The following SPTB variants were observed in gnomAD, a reference collection of about 807,000 sequenced individuals.
SPTB encodes the protein spectrin beta, erythrocytic, also known as spectrin beta chain, erythrocytic.
SPTB carries 45 observed loss-of-function variants against 256.2 expected under a neutral mutation model. The observed-to-expected ratio is 0.18, with a 90% CI of 0.14 to 0.23. The LOEUF is 0.23. Ranked by LOEUF, SPTB falls within the 10% of genes least tolerant of loss-of-function variation. The probability of loss-of-function intolerance (pLI) is 1.00; values close to 1 mark genes in which losing one functional copy is unlikely to be tolerated. For synonymous variants in SPTB, 1,231 were observed against 1,243.1 expected, an observed-to-expected ratio of 0.99 and a Z score of 0.21; for missense variants, 2,715 against 3,040.4, an observed-to-expected ratio of 0.89 and a Z score of 2.52.
Position 64,786,451 on chromosome 14 carries a change from C to T in SPTB, c.3514G>A (p.Glu1172Lys). ...GCCTGCTTGGCATCTTTCTGGAACTCCTGGAAGCCAAGGCACTGAGCGAGG... is the reference window on the plus strand; with the variant it reads ...GCCTGCTTGGCATCTTTCTGGAACTTCTGGAAGCCAAGGCACTGAGCGAGG... The part of the protein sequence containing the change: ...HTLAQCLGFQ[E>K]FQKDAKQAEA... Residue 1172 changes from glutamate to lysine, a missense_variant, in exon 16 of 36, where the codon GAG becomes AAG. Transcript: ENST00000644917. The surrounding 1 kb of genome is among the most constrained non-coding windows in gnomAD (Gnocchi z 5.6). The T allele has an allele frequency of 6.2e-7, 1 of 1,614,154 alleles. No individual in the cohort carries two copies. Among genetic ancestry groups the T allele is most frequent in the Non-Finnish European group, 8.5e-7 (1 of 1,180,046 alleles).
chr14:64,769,856 G>T, intron 27 of SPTB, 128 bp from the exon 28 acceptor site: 1 of 1,311,612 alleles, frequency 7.6e-7, no homozygotes, highest in Non-Finnish European at 1.1e-6. Context: ...TCTCTCTCTG[G>T]CCAGCCAGGG....
chr14:64,758,031 T>G lies in SPTB; in HGVS notation c.6346-4238A>C, dbSNP rs1409100688. Among the ~76,000 whole-genome samples the G allele has an allele frequency of 1.3e-5, 2 of 152,208 alleles. No individual in the cohort carries two copies. Among genetic ancestry groups the G allele is most frequent in the African/African-American group, 2.4e-5 (1 of 41,456 alleles). On this transcript the variant is annotated intron_variant, in intron 32 of 35. Transcript: ENST00000644917. The surrounding 1 kb of genome is among the most constrained non-coding windows in gnomAD (Gnocchi z 4.6). ...TCCATCTGGGGGAAGGGAGAGAACC[T>G]TCCTGACTCAGTTAGTGGGAGTGAG...
intron 1 of SPTB, among the ~76,000 whole-genome samples, chr14:64,850,829 C>T (rs909731404): frequency 2.0e-5 from 3 of 152,202 alleles, no homozygotes; most frequent in Non-Finnish European, 4.4e-5. Flanking sequence ...CTCTGTTCTT[C>T]TGAAGTATAG....
At chr14:64,868,390 T>C (rs1882324978) in intron 1 of SPTB, among the ~76,000 whole-genome samples, 1 of 150,702 alleles carries the variant, frequency 6.6e-6, no homozygotes, top group African/African-American at 2.4e-5. Context: ...AACCTAGCTA[T>C]AAAAAAAAAC....
At position 64,850,436 on chromosome 14, in the gene SPTB, T is replaced by C. The variant is rs144972768; in HGVS notation, c.-51-27291A>G. 2.0e-3 allele frequency among the ~76,000 whole-genome samples: 298 copies of C among 152,330 alleles called. 5 individuals are homozygous for C. The highest frequency in any genetic ancestry group is 0.012 in the South Asian group (57 of 4,826). ...ACTTGATTTTTCAAAAAGCCCACGT[T>C]TTCTGATAGTTCCTCCCATTACATC... On this transcript the variant is annotated intron_variant, in intron 1 of 35. Coordinates refer to ENST00000644917, the MANE Select transcript of SPTB (RefSeq NM_001355436.2).
At chr14:64,800,043 A>G in intron 8 of SPTB, 109 bp from the exon 9 acceptor site, 1 of 1,349,174 alleles carries the variant, frequency 7.4e-7, no homozygotes, top group Non-Finnish European at 1.0e-6. Context: ...CCACCTCCTA[A>G]GCCCTGGAGT....
At chr14:64,776,797 C>T (rs1038840849) in intron 22 of SPTB, among the ~76,000 whole-genome samples, 5 of 152,174 alleles carry the variant, frequency 3.3e-5, no homozygotes, top group Non-Finnish European at 7.3e-5. Flanking sequence ...GTGCAGGGTA[C>T]TTACATTTAA....
intron 2 of SPTB, among the ~76,000 whole-genome samples, chr14:64,812,636 C>T (rs1487992531): frequency 6.6e-6 from 1 of 151,988 alleles, no homozygotes; most frequent in Non-Finnish European, 1.5e-5. Context: ...CCTCCCTTCT[C>T]GGTGAGCAGC....
At chr14:64,810,552 C>T (rs1255920176) in intron 2 of SPTB, among the ~76,000 whole-genome samples, 16 of 152,032 alleles carry the variant, frequency 1.1e-4, no homozygotes, top group Admixed American at 1.0e-3. Context: ...TGGTGTTGCG[C>T]GCCTGTAATC....
At chr14:64,800,232 G>A (rs2082856938) in intron 8 of SPTB, among the ~76,000 whole-genome samples, 1 of 152,262 alleles carries the variant, frequency 6.6e-6, no homozygotes, top group African/African-American at 2.4e-5. Flanking sequence ...CAGGATGCCA[G>A]CCACTAGGGG....
intron 1 of SPTB, among the ~76,000 whole-genome samples, chr14:64,840,130 C>G (rs544956219): frequency 6.6e-6 from 1 of 152,172 alleles, no homozygotes; most frequent in Admixed American, 6.5e-5. Context: ...TTGGCAGAAC[C>G]AACGCTTGAA....
In SPTB at chr14:64,771,007, A is replaced by C. The variant is rs2082271293; in HGVS notation, c.5676T>G (p.Cys1892Trp). 6.2e-7 allele frequency: 1 copy of C among 1,614,046 alleles called. No individual in the cohort carries two copies. The highest frequency in any genetic ancestry group is 8.5e-7 in the Non-Finnish European group (1 of 1,180,058). ...CCACTAGCTGGGTCCGGCGCCCGGC[A>C]CAGGCATCGAGCAGCGCCTGCCACG... The part of the protein sequence containing the change: ...SAAWQALLDA[C>W]AGRRTQLVDT... The change falls in exon 27 of 36, where the codon TGT becomes TGG. Residue 1892 changes from cysteine to tryptophan, a missense_variant. Cys to Trp is a radical substitution (Grantham distance 215). Coordinates refer to ENST00000644917, the MANE Select transcript of SPTB (RefSeq NM_001355436.2).
Position 64,804,932 on chromosome 14 carries a change from A to G in SPTB, c.300+7T>C, listed in dbSNP as rs229581. The G allele has an allele frequency of 0.34, 554,276 of 1,613,542 alleles. 101,038 individuals are homozygous for G. Among genetic ancestry groups the G allele is most frequent in the African/African-American group, 0.64 (48,187 of 74,960 alleles). On this transcript the variant is annotated splice_region_variant and intron_variant, in intron 3 of 35. Transcript: ENST00000644917. ...AGCAGCCCCGGGGCCCACAGAAGGG[A>G]CTTTACCAGCATCTCTCCAGAGAGC... is the stretch of plus-strand genomic sequence containing the variant.
At position 64,779,702 on chromosome 14, in the gene SPTB, G is replaced by A; in HGVS notation, c.4473+23C>T. On this transcript the variant is annotated intron_variant, in intron 21 of 35. Coordinates refer to ENST00000644917, the MANE Select transcript of SPTB (RefSeq NM_001355436.2). This position sits in a 1 kb window ranked among gnomAD's most constrained non-coding sequence, Gnocchi z 4.2. Reference sequence around the variant, plus strand: ...GCTGGTGGCTCAGCCTCAGGAGGTAGGGAGAAGCTGTGGCCCACGCACCGT... The same window carrying A: ...GCTGGTGGCTCAGCCTCAGGAGGTAAGGAGAAGCTGTGGCCCACGCACCGT... 2 of 1,613,858 alleles carry A rather than the reference G, an allele frequency of 1.2e-6. No individual in the cohort carries two copies. Among genetic ancestry groups the A allele is most frequent in the Non-Finnish European group, 1.7e-6 (2 of 1,179,862 alleles).
At chr14:64,811,266 A>C (rs77323770) in intron 2 of SPTB, among the ~76,000 whole-genome samples, 1 of 152,254 alleles carries the variant, frequency 6.6e-6, no homozygotes, top group Admixed American at 6.5e-5. Context: ...GTGAACAAAG[A>C]GTTAACAGAA....
At chr14:64,805,205 C>T (rs968100627) in intron 2 of SPTB, 115 bp from the exon 3 acceptor site, 7 of 1,182,308 alleles carry the variant, frequency 5.9e-6, no homozygotes, top group Admixed American at 1.9e-5. Context: ...CAGAGGAAGT[C>T]GATGTATTCA....
chr14:64,825,046 G>GT lies in SPTB; in HGVS notation c.-51-1902dup, dbSNP rs1241907208. Among the ~76,000 whole-genome samples the GT allele has an allele frequency of 6.6e-6, 1 of 152,086 alleles. No homozygotes were observed. Among genetic ancestry groups the GT allele is most frequent in the Non-Finnish European group, 1.5e-5 (1 of 68,026 alleles). ...CAGTTTATCCCCCTTGACCAGACGG[G>GT]TTTCAGGAGGGCAGGTGGGGAAAGG... On this transcript the variant is annotated intron_variant, in intron 1 of 35. Transcript: ENST00000644917. The surrounding 1 kb of genome is among the most constrained non-coding windows in gnomAD (Gnocchi z 4.8).
chr14:64,782,347 C>G lies in SPTB; in HGVS notation c.4209G>C (p.Arg1403=). Residue 1403 remains arginine, a synonymous_variant, in exon 20 of 36, where the codon CGG becomes CGC. Transcript: ENST00000644917. ...TCAGGTCCTTGCCCGGGTCGTCTGA[C>G]CGCAGCTGGTCCTCCATGGCGCTGA... is the stretch of plus-strand genomic sequence containing the variant. ...KWISAMEDQL[R]SDDPGKDLTS... is the part of the protein sequence containing the mutation. 6.2e-7 allele frequency: 1 copy of G among 1,614,224 alleles called. No homozygotes were observed. Among genetic ancestry groups the G allele is most frequent in the East Asian group, 2.2e-5 (1 of 44,886 alleles).
At chr14:64,769,206 A>C in intron 28 of SPTB, 88 bp from the exon 29 acceptor site, 1 of 1,294,348 alleles carries the variant, frequency 7.7e-7, no homozygotes, top group Admixed American at 1.7e-5. Flanking sequence ...AAAGAATGCC[A>C]GGTTTGGTCC....
Sources: allele counts gnomAD v4.1 joint callset (sites outside exome capture counted in the v4.1 genomes callset), GRCh38; gene constraint gnomAD v4.1.1; non-coding constraint Gnocchi (gnomAD v3.1); transcripts MANE v1.5; gene names NCBI Gene and HGNC (gene_info 2026-07-23, HGNC 2026-07-21).